Variants in ANXA4 observed in about 807,000 individuals in gnomAD.
ANXA4 encodes annexin A4.
ANXA4 carries 39 observed loss-of-function variants against 49.8 expected under a neutral mutation model. That is an observed-to-expected ratio of 0.78 (90% CI 0.61 to 1.02). The LOEUF (loss-of-function observed/expected upper bound fraction) is 1.02, where lower values mean the gene tolerates loss of function less well. ANXA4 is among the 50% of genes least tolerant of loss of function. The pLI is 0.00. For missense variants in ANXA4, 360 were observed against 410.1 expected, an observed-to-expected ratio of 0.88 and a Z score of 1.05; for synonymous variants, 134 against 152.5, an observed-to-expected ratio of 0.88 and a Z score of 0.89.
chr2:69,718,437 A>G (rs772064490), intron 2 of ANXA4, among the ~76,000 whole-genome samples: 4 of 152,130 alleles, frequency 2.6e-5, no homozygotes, highest in Non-Finnish European at 5.9e-5. Flanking sequence ...ATTATATTCA[A>G]CTTTCTCAAG....
rs193035739 is a variant in ANXA4 at position 69,698,248 on chromosome 2, G to T, written n.767-22526G>T. 2.0e-5 allele frequency among the ~76,000 whole-genome samples: 3 copies of T among 152,270 alleles called. No individual in the cohort carries two copies. The East Asian group carries it at 5.8e-4, about 29-fold the overall frequency. On this transcript the variant is annotated intron_variant and non_coding_transcript_variant, in intron 2 of 3. Coordinates refer to the ANXA4 transcript ENST00000418066. ...CTCATTCATGAATTTCCTCCCAAAG[G>T]TTCCGCCTCCTAATACCATCACCTT...
chr2:69,745,281 C>A (rs1400282199), intron 1 of ANXA4, among the ~76,000 whole-genome samples: 3 of 152,100 alleles, frequency 2.0e-5, no homozygotes, highest in Non-Finnish European at 4.4e-5. Context: ...AACCCATAGG[C>A]TGGGTGGCCT....
intron 3 of ANXA4, among the ~76,000 whole-genome samples, chr2:69,791,494 C>T (rs1181276544): frequency 6.6e-6 from 1 of 152,164 alleles, no homozygotes; most frequent in East Asian, 1.9e-4. Flanking sequence ...CATAAACATG[C>T]TCCAAACTTT....
chr2:69,645,166 T>C (rs1675957772), intron 1 of ANXA4, among the ~76,000 whole-genome samples: 1 of 152,202 alleles, frequency 6.6e-6, no homozygotes, highest in Non-Finnish European at 1.5e-5. Flanking sequence ...AATCTGAATA[T>C]TGAGCTGAGC....
intron 10 of ANXA4, 51 bp downstream of exon 10, chr2:69,818,745 C>A: frequency 1.6e-6 from 2 of 1,258,962 alleles, no homozygotes; most frequent in South Asian, 1.3e-5. Flanking sequence ...TTTTCCTTCT[C>A]ATTATCAGTT....
Position 69,820,755 on chromosome 2 carries a change from T to G in ANXA4, c.840T>G (p.Ile280Met), listed in dbSNP as rs1278960261. 3.1e-6 allele frequency: 5 copies of G among 1,613,974 alleles called. No individual in the cohort carries two copies. The highest frequency in any genetic ancestry group is 4.2e-6 in the Non-Finnish European group (5 of 1,180,020). The change falls in exon 12 of 13, where the codon ATT becomes ATG. Residue 280 changes from isoleucine to methionine, a missense_variant. Physicochemically the swap from Ile to Met is conservative, Grantham distance 10. Transcript: ENST00000394295. ...GAGTGATGGTTTCTCGAGCAGAAAT[T>G]GACATGTTGGATATCCGGGCACACT... ...LIRVMVSRAE[I>M]DMLDIRAHFK... is the part of the protein sequence containing the mutation.
At chr2:69,717,099 A>C (rs1196564112) in intron 2 of ANXA4, among the ~76,000 whole-genome samples, 1 of 152,244 alleles carries the variant, frequency 6.6e-6, no homozygotes, top group Non-Finnish European at 1.5e-5. Flanking sequence ...TGGGGGCTCC[A>C]TCTCTTCAGT....
intron 2 of ANXA4, among the ~76,000 whole-genome samples, chr2:69,679,491 GA>G (rs1179456159): frequency 3.3e-5 from 5 of 152,152 alleles, no homozygotes; most frequent in Non-Finnish European, 7.3e-5. Flanking sequence ...TTGCTGTGCA[GA>G]AGTTTTTTAG....
chr2:69,654,431 T>C lies in ANXA4; in HGVS notation n.766+1149T>C, dbSNP rs141264670. Among the ~76,000 whole-genome samples, 387 of 152,360 alleles carry C rather than the reference T, an allele frequency of 2.5e-3. 3 individuals are homozygous for C. Among genetic ancestry groups the C allele is most frequent in the African/African-American group, 9.0e-3 (374 of 41,598 alleles). ...ATATTGGGTGTGGGTTTGTCATAAA[T>C]GGCTCTTATTATTTTGAGATACATT... On this transcript the variant is annotated intron_variant and non_coding_transcript_variant, in intron 2 of 3. Coordinates refer to the ANXA4 transcript ENST00000418066.
chr2:69,767,122 A>G (rs1671524328), intron 1 of ANXA4, among the ~76,000 whole-genome samples: 1 of 152,228 alleles, frequency 6.6e-6, no homozygotes, highest in South Asian at 2.1e-4. Context: ...AGCAACTGCC[A>G]TCCAGGGCTG....
chr2:69,643,866 G>T (rs1675880963), upstream of ANXA4: 2 of 1,177,714 alleles, frequency 1.7e-6, no homozygotes, highest in African/African-American at 1.6e-5. Context: ...TGCAACCGCC[G>T]TTCTGTCGCC....
intron 2 of ANXA4, among the ~76,000 whole-genome samples, chr2:69,706,979 T>C (rs1363087653): frequency 6.6e-6 from 1 of 152,244 alleles, no homozygotes; most frequent in African/African-American, 2.4e-5. Flanking sequence ...TGGAAAACCC[T>C]TTCATTCCTG....
intron 2 of ANXA4, among the ~76,000 whole-genome samples, chr2:69,707,304 C>G (rs985166184): frequency 2.0e-5 from 3 of 152,152 alleles, no homozygotes; most frequent in South Asian, 4.1e-4. Context: ...TCCAATCTTT[C>G]TACTTCTTCC....
chr2:69,683,426 C>A (rs536871875), intron 2 of ANXA4, among the ~76,000 whole-genome samples: 29 of 152,136 alleles, frequency 1.9e-4, no homozygotes, highest in Non-Finnish European at 3.4e-4. Flanking sequence ...GTTCAGATAG[C>A]TTTGTGGGGA....
At position 69,656,250 on chromosome 2, in the gene ANXA4, T is replaced by C. The variant is rs1333374900; in HGVS notation, n.766+2968T>C. ...ATATGTATATATATACGTATATATA[T>C]GTATATACGTATATATATGTATATA... On this transcript the variant is annotated intron_variant and non_coding_transcript_variant, in intron 2 of 3. Transcript: ENST00000418066. 1.8e-4 allele frequency among the ~76,000 whole-genome samples: 16 copies of C among 86,510 alleles called. 1 individual carries two copies. The highest frequency in any genetic ancestry group is 1.2e-3 in the East Asian group (2 of 1,730). The allele number at this position is 86,510 out of a possible 152,430, so 56.8% of individuals were successfully genotyped here.
At chr2:69,818,719 A>G in intron 10 of ANXA4, 25 bp downstream of exon 10, 1 of 1,461,928 alleles carries the variant, frequency 6.8e-7, no homozygotes, top group Non-Finnish European at 9.5e-7. Context: ...GGAGTAGAGA[A>G]ACAAATGTTT....
At chr2:69,765,374 T>C (rs1671455732) in intron 1 of ANXA4, among the ~76,000 whole-genome samples, 1 of 152,220 alleles carries the variant, frequency 6.6e-6, no homozygotes, top group Non-Finnish European at 1.5e-5. Flanking sequence ...TTTCTCCATA[T>C]CTTCACCAAC....
intron 1 of ANXA4, among the ~76,000 whole-genome samples, chr2:69,753,277 G>A (rs1490802138): frequency 6.6e-6 from 1 of 152,058 alleles, no homozygotes; most frequent in Admixed American, 6.6e-5. Flanking sequence ...TTGGAACTGG[G>A]GTCTGAAAAC....
chr2:69,734,444 G>C (rs1478189138), intron 3 of ANXA4, among the ~76,000 whole-genome samples: 1 of 152,168 alleles, frequency 6.6e-6, no homozygotes, highest in Non-Finnish European at 1.5e-5. Flanking sequence ...GACCCCTGAG[G>C]AGATAAGGAA....
Sources: allele counts gnomAD v4.1 joint callset (sites outside exome capture counted in the v4.1 genomes callset), GRCh38; gene constraint gnomAD v4.1.1; transcripts MANE v1.5; gene names NCBI Gene and HGNC (gene_info 2026-07-23, HGNC 2026-07-21).